Variants in NINL observed in about 807,000 individuals in gnomAD.
The protein encoded by NINL is ninein like.
NINL carries 153 observed loss-of-function variants against 160.3 expected under a neutral mutation model. The observed-to-expected ratio is 0.95, with a 90% CI of 0.84 to 1.09. NINL has a LOEUF of 1.09. Among genes scored for constraint, NINL ranks in the 50% least tolerant of loss-of-function variants. The pLI is 0.00. For synonymous variants in NINL, 800 were observed against 734.8 expected, an observed-to-expected ratio of 1.09 and a Z score of -1.43; for missense variants, 1,829 against 1,764.0, an observed-to-expected ratio of 1.04 and a Z score of -0.66.
chr20:25,476,479 C>A lies in NINL; in HGVS notation c.2812G>T (p.Ala938Ser). The part of the protein sequence containing the change: ...ASAAGLEQPG[A>S]RELPLLGTER... Reference sequence around the variant, plus strand: ...GTTCCCAGCAGAGGCAGCTCCCGGGCTCCAGGCTGCTCCAGCCCCGCTGCG... The same window carrying A: ...GTTCCCAGCAGAGGCAGCTCCCGGGATCCAGGCTGCTCCAGCCCCGCTGCG... The change falls in exon 17 of 24, where the codon GCC becomes TCC. Residue 938 changes from alanine to serine, a missense_variant. By Grantham distance (99) the Ala-to-Ser change is moderately conservative (BLOSUM62 1). Transcript: ENST00000278886. The A allele has an allele frequency of 6.2e-7, 1 of 1,605,738 alleles. No homozygotes were observed.
Position 25,464,818 on chromosome 20 carries a change from A to G in NINL, c.3424-2277T>C, listed in dbSNP as rs149976226. 2.6e-3 allele frequency among the ~76,000 whole-genome samples: 388 copies of G among 152,154 alleles called. 2 individuals are homozygous for G. Among genetic ancestry groups the G allele is most frequent in the African/African-American group, 8.9e-3 (370 of 41,510 alleles). ...GTCTCCTCAGCTTCTGTGTCTCATGACTTTGACATTTTTTGACAAATACAG... is the reference window on the plus strand; with the variant it reads ...GTCTCCTCAGCTTCTGTGTCTCATGGCTTTGACATTTTTTGACAAATACAG... On this transcript the variant is annotated intron_variant, in intron 19 of 23. Coordinates refer to ENST00000278886, the MANE Select transcript of NINL (RefSeq NM_025176.6).
intron 17 of NINL, among the ~76,000 whole-genome samples, chr20:25,473,675 T>C (rs436158): frequency 6.2e-4 from 85 of 137,984 alleles, no homozygotes; most frequent in African/African-American, 1.3e-3. Context: ...AATACACACA[T>C]ACACACACAC....
At chr20:25,583,881 A>G (rs1041363501) in intron 1 of NINL, among the ~76,000 whole-genome samples, 5 of 152,072 alleles carry the variant, frequency 3.3e-5, no homozygotes, top group Admixed American at 1.3e-4. Flanking sequence ...AGAACAGAAA[A>G]CCAAACACCG....
intron 1 of NINL, among the ~76,000 whole-genome samples, chr20:25,561,927 C>A (rs1451789415): frequency 6.6e-6 from 1 of 150,632 alleles, no homozygotes; most frequent in Non-Finnish European, 1.5e-5. Context: ...CCAGGCCAGC[C>A]GCCCCGTCCG....
At chr20:25,460,456 T>C (rs2062755849) in intron 21 of NINL, among the ~76,000 whole-genome samples, 2 of 152,278 alleles carry the variant, frequency 1.3e-5, no homozygotes, top group Admixed American at 1.3e-4. Flanking sequence ...ATGCTCTCCC[T>C]TGGCCCCAGC....
chr20:25,488,104 A>C (rs1435853739), intron 13 of NINL, among the ~76,000 whole-genome samples: 1 of 152,208 alleles, frequency 6.6e-6, no homozygotes, highest in Non-Finnish European at 1.5e-5. Context: ...ACTCTGTGTC[A>C]TACAGCACCA....
intron 15 of NINL, among the ~76,000 whole-genome samples, 181 bp downstream of exon 15, chr20:25,479,980 G>A (rs1444531338): frequency 6.6e-6 from 1 of 152,212 alleles, no homozygotes; most frequent in Non-Finnish European, 1.5e-5. Flanking sequence ...CTTCCAAAGA[G>A]GGTTTGGGCA....
intron 21 of NINL, among the ~76,000 whole-genome samples, chr20:25,461,126 C>T (rs939542569): frequency 3.3e-5 from 5 of 152,208 alleles, no homozygotes; most frequent in South Asian, 2.1e-4. Context: ...ATGTGGCACC[C>T]GGAGGCGTGT....
At chr20:25,496,620 G>T in intron 10 of NINL, 43 bp downstream of exon 10, 1 of 1,607,452 alleles carries the variant, frequency 6.2e-7, no homozygotes, top group Admixed American at 1.7e-5. Context: ...AAAGGGGCTG[G>T]GGAGGCCCAG....
At chr20:25,484,513 C>A (rs564886018) in intron 13 of NINL, among the ~76,000 whole-genome samples, 2 of 152,312 alleles carry the variant, frequency 1.3e-5, no homozygotes, top group East Asian at 1.9e-4. Context: ...GCCAACACTG[C>A]GGGGCATGCC....
intron 8 of NINL, chr20:25,499,057 T>G (rs117361034): frequency 0.015 from 14,561 of 985,432 alleles, 114 homozygotes; most frequent in Middle Eastern, 0.035. Flanking sequence ...AACGCCCTGC[T>G]CAGGCCGGCG....
chr20:25,455,543 G>T (rs1251713322), intron 23 of NINL, 130 bp downstream of exon 23: 2 of 689,984 alleles, frequency 2.9e-6, no homozygotes, highest in South Asian at 1.7e-5. Flanking sequence ...GCAGTGTAGG[G>T]TATACATTTA....
At chr20:25,458,580 A>G in intron 21 of NINL, 51 bp from the exon 22 acceptor site, 3 of 1,483,808 alleles carry the variant, frequency 2.0e-6, no homozygotes, top group Non-Finnish European at 2.7e-6. Flanking sequence ...GACGCGGCAC[A>G]GAGGAGCACC....
At chr20:25,484,191 A>T (rs759326022) in intron 13 of NINL, among the ~76,000 whole-genome samples, 5 of 152,242 alleles carry the variant, frequency 3.3e-5, no homozygotes, top group Non-Finnish European at 7.3e-5. Context: ...AAAAGTTTTT[A>T]AAAACACCAA....
intron 19 of NINL, among the ~76,000 whole-genome samples, chr20:25,463,472 C>T (rs747917005): frequency 3.3e-5 from 5 of 152,190 alleles, no homozygotes; most frequent in Non-Finnish European, 5.9e-5. Flanking sequence ...GCACCTCCCA[C>T]AGACAAAGGA....
At chr20:25,572,760 G>A (rs1600366391) in intron 1 of NINL, among the ~76,000 whole-genome samples, 1 of 152,100 alleles carries the variant, frequency 6.6e-6, no homozygotes, top group South Asian at 2.1e-4. Context: ...CAAAATACAC[G>A]GAAAATGTCT....
intron 17 of NINL, 119 bp from the exon 18 acceptor site, chr20:25,470,214 G>A: frequency 4.0e-6 from 3 of 748,108 alleles, no homozygotes; most frequent in South Asian, 3.1e-5. Context: ...GTCCCTGGAG[G>A]TGGCGCCAGA....
At chr20:25,575,046 T>C (rs2065098324) in intron 1 of NINL, among the ~76,000 whole-genome samples, 1 of 152,092 alleles carries the variant, frequency 6.6e-6, no homozygotes, top group South Asian at 2.1e-4. Context: ...TATCTTAGAA[T>C]AGATGAAATA....
chr20:25,545,901 T>C (rs1046021619), intron 1 of NINL, among the ~76,000 whole-genome samples: 3 of 152,194 alleles, frequency 2.0e-5, no homozygotes, highest in African/African-American at 7.2e-5. Context: ...ATGGATTCTC[T>C]CTGAAGCCTG....
Sources: allele counts gnomAD v4.1 joint callset (sites outside exome capture counted in the v4.1 genomes callset), GRCh38; gene constraint gnomAD v4.1.1; transcripts MANE v1.5; gene names NCBI Gene and HGNC (gene_info 2026-07-23, HGNC 2026-07-21).